Variants in MDFIC2 observed in about 807,000 individuals in gnomAD.
MDFIC2 encodes myoD family inhibitor domain-containing protein 2.
At chr3:70,292,906 A>G (rs760956032) in intron 2 of MDFIC2, among the ~76,000 whole-genome samples, 1 of 152,086 alleles carries the variant, frequency 6.6e-6, no homozygotes, top group Non-Finnish European at 1.5e-5. Flanking sequence ...GCTTTAGAAT[A>G]TTTATGATTT....
chr3:70,272,724 G>A (rs962770045), intron 2 of MDFIC2, among the ~76,000 whole-genome samples: 1 of 152,128 alleles, frequency 6.6e-6, no homozygotes, highest in Non-Finnish European at 1.5e-5. Flanking sequence ...TTGCATTGCT[G>A]GAATGTACAA....
At position 70,307,563 on chromosome 3, in the gene MDFIC2, C is replaced by T. The variant is rs191422531; in HGVS notation, c.88+4323G>A. ...CTCCATAAAGTTTTCACATTTGGGC[C>T]TATTTTCTCCTTCTCTTTGATATGG... On this transcript the variant is annotated intron_variant, in intron 2 of 3. Transcript: ENST00000567252. Among the ~76,000 whole-genome samples the T allele has an allele frequency of 3.3e-5, 5 of 152,092 alleles. No individual in the cohort carries two copies. The East Asian group carries it at 9.7e-4, about 29-fold the overall frequency.
chr3:70,228,979 T>C (rs1376605921), intron 2 of MDFIC2, among the ~76,000 whole-genome samples: 1 of 152,108 alleles, frequency 6.6e-6, no homozygotes, highest in African/African-American at 2.4e-5. Flanking sequence ...ACACGGAGAA[T>C]ACCATGTAAT....
chr3:70,247,345 G>A (rs760337743), intron 2 of MDFIC2, among the ~76,000 whole-genome samples: 10 of 151,948 alleles, frequency 6.6e-5, no homozygotes, highest in Non-Finnish European at 1.5e-4. Context: ...TGAAAACAGA[G>A]GAGTTCTGAA....
intron 2 of MDFIC2, among the ~76,000 whole-genome samples, chr3:70,235,355 T>C (rs1369923893): frequency 6.6e-6 from 1 of 152,214 alleles, no homozygotes; most frequent in African/African-American, 2.4e-5. Context: ...GGGTAGTCCT[T>C]AATACATACT....
chr3:70,294,673 C>G (rs920470340), intron 2 of MDFIC2, among the ~76,000 whole-genome samples: 1 of 152,028 alleles, frequency 6.6e-6, no homozygotes, highest in Non-Finnish European at 1.5e-5. Flanking sequence ...TAATTTATGA[C>G]TCATATATCC....
At chr3:70,237,743 G>A (rs1701624140) in intron 2 of MDFIC2, among the ~76,000 whole-genome samples, 1 of 152,166 alleles carries the variant, frequency 6.6e-6, no homozygotes, top group Non-Finnish European at 1.5e-5. Context: ...TACCTCAATG[G>A]GCTTTGAATA....
intron 2 of MDFIC2, among the ~76,000 whole-genome samples, chr3:70,218,001 A>G (rs1159438824): frequency 6.6e-6 from 1 of 152,194 alleles, no homozygotes; most frequent in Non-Finnish European, 1.5e-5. Context: ...AAGAAATCAC[A>G]GGAGCGAGGG....
chr3:70,194,803 A>G lies in MDFIC2; in HGVS notation c.*2123T>C, dbSNP rs1220103137. 6.6e-6 allele frequency among the ~76,000 whole-genome samples: 1 copy of G among 152,196 alleles called. No homozygotes were observed. The highest frequency in any genetic ancestry group is 1.5e-5 in the Non-Finnish European group (1 of 68,026). ...TTTAACACCAATATGGCATGGCCTC[A>G]CCAATGATACCAGGTACCATATTAT... On this transcript the variant is annotated 3_prime_UTR_variant, in exon 4 of 4. Coordinates refer to ENST00000567252, the MANE Select transcript of MDFIC2 (RefSeq NM_001364677.1).
chr3:70,291,751 G>C (rs1456083101), intron 2 of MDFIC2: 1 of 152,146 alleles, frequency 6.6e-6, no homozygotes, highest in Admixed American at 6.5e-5. Flanking sequence ...AGTTCAAGAT[G>C]ATATGTCTTT....
At position 70,249,863 on chromosome 3, in the gene MDFIC2, A is replaced by G. The variant is rs73838085; in HGVS notation, c.89-43073T>C. Among the ~76,000 whole-genome samples the G allele has an allele frequency of 3.4e-3, 516 of 152,198 alleles. 2 individuals are homozygous for G. Among genetic ancestry groups the G allele is most frequent in the African/African-American group, 0.012 (490 of 41,528 alleles). The stretch of plus-strand genomic sequence containing the variant: ...TAAAATAAGATGCTGAAATTCCTTT[A>G]TTTGCTAACGTTAATAAAAAAATTC... On this transcript the variant is annotated intron_variant, in intron 2 of 3. Coordinates refer to ENST00000567252, the MANE Select transcript of MDFIC2 (RefSeq NM_001364677.1).
intron 2 of MDFIC2, among the ~76,000 whole-genome samples, chr3:70,207,345 A>G (rs760809358): frequency 2.0e-5 from 3 of 152,022 alleles, no homozygotes; most frequent in Non-Finnish European, 4.4e-5. Context: ...CTGCCTTGGT[A>G]TTTAAGTTCC....
chr3:70,211,186 TCTTTTC>T (rs887517856), intron 2 of MDFIC2, among the ~76,000 whole-genome samples: 16 of 151,890 alleles, frequency 1.1e-4, no homozygotes, highest in Non-Finnish European at 1.3e-4. Context: ...CCTTCTTTTT[TCTTTTC>T]CTTTTCCTTT....
chr3:70,242,723 A>T (rs761105352), intron 2 of MDFIC2, among the ~76,000 whole-genome samples: 1 of 152,222 alleles, frequency 6.6e-6, no homozygotes, highest in Non-Finnish European at 1.5e-5. Flanking sequence ...ACAGTGCATT[A>T]TGTATAATGC....
intron 2 of MDFIC2, among the ~76,000 whole-genome samples, chr3:70,243,687 T>G (rs1490109959): frequency 6.6e-6 from 1 of 152,148 alleles, no homozygotes; most frequent in African/African-American, 2.4e-5. Context: ...CGTCTCCAGG[T>G]ATTCCTAACG....
At chr3:70,291,101 T>A (rs1327781751) in intron 2 of MDFIC2, 4 of 152,242 alleles carry the variant, frequency 2.6e-5, no homozygotes, top group African/African-American at 9.6e-5. Context: ...CTTATTTTTT[T>A]ATGAAGGAAA....
At chr3:70,255,518 C>T (rs1270493635) in intron 2 of MDFIC2, among the ~76,000 whole-genome samples, 2 of 152,156 alleles carry the variant, frequency 1.3e-5, no homozygotes, top group African/African-American at 4.8e-5. Flanking sequence ...ACCACCTGGG[C>T]TCAAGTGATC....
intron 2 of MDFIC2, among the ~76,000 whole-genome samples, chr3:70,235,340 C>G (rs1701597295): frequency 6.6e-6 from 1 of 152,166 alleles, no homozygotes; most frequent in African/African-American, 2.4e-5. Context: ...TCTTCAAATT[C>G]CTCTGGGTAG....
chr3:70,212,872 C>T lies in MDFIC2; in HGVS notation c.89-6082G>A, dbSNP rs77248799. ...GTGGTGGTGCAATCACAGTTCACTG[C>T]AGCTTCAACCTCCCAGACTCAGGTG... On this transcript the variant is annotated intron_variant, in intron 2 of 3. Transcript: ENST00000567252. 4.6e-3 allele frequency among the ~76,000 whole-genome samples: 707 copies of T among 152,150 alleles called. 3 individuals are homozygous for T. The highest frequency in any genetic ancestry group is 0.016 in the African/African-American group (667 of 41,524).
Sources: gnomAD v4.1 joint callset for allele counts (sites outside exome capture counted in the v4.1 genomes callset) on GRCh38, gnomAD v4.1.1 for gene constraint, MANE v1.5 for transcripts, NCBI Gene and HGNC (gene_info 2026-07-23, HGNC 2026-07-21) for gene names.